CCND3: variants seen among roughly 807,000 people sequenced by gnomAD.
The protein encoded by CCND3 is G1/S-specific cyclin-D3.
In CCND3, 9 loss-of-function variants were observed where a neutral mutation model predicts 28.7. The observed-to-expected ratio is 0.31, with a 90% CI of 0.19 to 0.55. CCND3 has a LOEUF of 0.55. CCND3 is among the 20% of genes least tolerant of loss of function. The pLI is 0.93. For missense variants in CCND3, 315 were observed against 385.8 expected, an observed-to-expected ratio of 0.82 and a Z score of 1.54; for synonymous variants, 164 against 163.9, an observed-to-expected ratio of 1.00 and a Z score of 0.00.
chr6:41,981,255 G>A (rs1762337781), intron 1 of CCND3, among the ~76,000 whole-genome samples: 1 of 151,868 alleles, frequency 6.6e-6, no homozygotes, highest in African/African-American at 2.4e-5. Context: ...ACCCAGGCTG[G>A]AGTGCATCGG....
intron 1 of CCND3, among the ~76,000 whole-genome samples, chr6:42,029,647 G>A (rs1211523425): frequency 6.6e-6 from 1 of 152,000 alleles, no homozygotes; most frequent in Non-Finnish European, 1.5e-5. Context: ...AGACCAGCCT[G>A]ACCAACTTGG....
upstream of CCND3, among the ~76,000 whole-genome samples, chr6:42,049,364 G>A (rs927707550): frequency 6.6e-6 from 1 of 152,170 alleles, no homozygotes; most frequent in Non-Finnish European, 1.5e-5. Flanking sequence ...TACACGTCAG[G>A]CACTGTGACA....
At chr6:41,964,360 GTGTA>G (rs767533705) in intron 1 of CCND3, among the ~76,000 whole-genome samples, 8 of 147,500 alleles carry the variant, frequency 5.4e-5, no homozygotes, top group Non-Finnish European at 9.1e-5. Context: ...GAGTCTGTGT[GTGTA>G]TGTGTGAATG....
At chr6:41,956,826 A>C (rs1263072202) in intron 1 of CCND3, among the ~76,000 whole-genome samples, 1 of 151,830 alleles carries the variant, frequency 6.6e-6, no homozygotes, top group Non-Finnish European at 1.5e-5. Flanking sequence ...GGGGAGATCG[A>C]GACCATCCTG....
At chr6:41,979,657 GTA>G (rs59255187) in intron 1 of CCND3, among the ~76,000 whole-genome samples, 143,297 of 145,362 alleles carry the variant, frequency 0.99, 70,654 homozygotes, top group Middle Eastern at 1. Context: ...ATATATATAT[GTA>G]TATATATATA....
At chr6:42,021,511 G>A (rs55834072) in intron 1 of CCND3, among the ~76,000 whole-genome samples, 32,735 of 152,186 alleles carry the variant, frequency 0.22, 3,699 homozygotes, top group Middle Eastern at 0.31. Context: ...GAGACACAGA[G>A]CCTGTCCTCA....
In CCND3 at chr6:42,048,732, T is replaced by A; in HGVS notation, c.-277A>T. 2.0e-6 allele frequency: 1 copy of A among 503,514 alleles called. No individual in the cohort carries two copies. 31.2% of individuals were successfully genotyped at this position (503,514 alleles called of 1,614,324 possible). On this transcript the variant is annotated 5_prime_UTR_variant, in exon 1 of 5. Transcript: ENST00000372988. This position sits in a 1 kb window ranked among gnomAD's most constrained non-coding sequence, Gnocchi z 4.7. ...CGCCGATCCAGAGCTGGGCAGGAAG[T>A]GGGGAAGAGGGGGCGGAGGAGACAA...
chr6:41,960,023 T>C (rs942227590), intron 1 of CCND3, among the ~76,000 whole-genome samples: 3 of 151,862 alleles, frequency 2.0e-5, no homozygotes, highest in African/African-American at 4.8e-5. Flanking sequence ...ATATGGCATA[T>C]GCATACAGTG....
intron 1 of CCND3, among the ~76,000 whole-genome samples, chr6:42,021,553 G>C (rs1041787756): frequency 2.0e-5 from 3 of 152,134 alleles, no homozygotes; most frequent in Non-Finnish European, 4.4e-5. Context: ...GACAATAATA[G>C]GTGTTGTTAT....
At chr6:42,013,654 A>G (rs9349212) in intron 1 of CCND3, among the ~76,000 whole-genome samples, 57,980 of 152,080 alleles carry the variant, frequency 0.38, 11,229 homozygotes, top group African/African-American at 0.44. Flanking sequence ...ACTTCAGAAT[A>G]AACTTTGTTC....
intron 1 of CCND3, among the ~76,000 whole-genome samples, chr6:41,974,473 G>C (rs765273474): frequency 6.6e-6 from 1 of 152,140 alleles, no homozygotes; most frequent in Non-Finnish European, 1.5e-5. Flanking sequence ...AGTAGCTGGG[G>C]GTTGCTAGGG....
At chr6:42,026,457 A>G (rs1763879340) in intron 1 of CCND3, among the ~76,000 whole-genome samples, 1 of 152,116 alleles carries the variant, frequency 6.6e-6, no homozygotes, top group Non-Finnish European at 1.5e-5. Flanking sequence ...TGAGGGCATT[A>G]GCCAAGGGGG....
intron 1 of CCND3, among the ~76,000 whole-genome samples, chr6:42,025,320 C>A (rs906629070): frequency 6.6e-5 from 10 of 152,176 alleles, no homozygotes; most frequent in Admixed American, 2.6e-4. Flanking sequence ...CAAGGCCTCA[C>A]AGAGGAAGTG....
intron 1 of CCND3, among the ~76,000 whole-genome samples, chr6:42,040,868 C>CAAAAAAAAA (rs142222742): frequency 6.5e-5 from 8 of 122,512 alleles, no homozygotes; most frequent in Admixed American, 2.4e-4. Flanking sequence ...AACAAACAAA[C>CAAAAAAAAA]AAAAAAAAAA....
chr6:41,998,053 C>T (rs958413534), intron 1 of CCND3, among the ~76,000 whole-genome samples: 3 of 151,218 alleles, frequency 2.0e-5, no homozygotes, highest in Admixed American at 1.3e-4. Flanking sequence ...TTTTGGGAGG[C>T]CAAGGCAAGC....
chr6:41,941,086 G>A lies in CCND3; in HGVS notation c.198+366C>T. On this transcript the variant is annotated intron_variant, in intron 1 of 4. Transcript: ENST00000372991. This position sits in a 1 kb window ranked among gnomAD's most constrained non-coding sequence, Gnocchi z 6.1. ...GAAAGACACAGGAACCGGCTCCCGG[G>A]CGGGGGCGGCCGAGCCCAGGGTTTT... 2 of 1,554,420 alleles carry A rather than the reference G, an allele frequency of 1.3e-6. No individual in the cohort carries two copies. Among genetic ancestry groups the A allele is most frequent in the Non-Finnish European group, 1.7e-6 (2 of 1,150,496 alleles).
At chr6:42,045,671 C>T (rs1328656071) in intron 1 of CCND3, among the ~76,000 whole-genome samples, 1 of 152,252 alleles carries the variant, frequency 6.6e-6, no homozygotes, top group African/African-American at 2.4e-5. Flanking sequence ...CTAGCAGTGT[C>T]TGTTGCCACC....
chr6:42,008,198 T>C (rs1159608045), intron 1 of CCND3, among the ~76,000 whole-genome samples: 1 of 152,058 alleles, frequency 6.6e-6, no homozygotes, highest in Non-Finnish European at 1.5e-5. Context: ...CTGGCCAACA[T>C]GGCGAAACCC....
In CCND3 at chr6:42,048,272, C is replaced by A. The variant is rs1266078578; in HGVS notation, c.-46+229G>T. On this transcript the variant is annotated intron_variant, in intron 1 of 4. Transcript: ENST00000372988. This position sits in a 1 kb window ranked among gnomAD's most constrained non-coding sequence, Gnocchi z 4.7. ...TCCAGATCAGCTGGAGGGGGTTGTGCCGATGTGTGTACATACAGAGGGCTC... is the reference window on the plus strand; with the variant it reads ...TCCAGATCAGCTGGAGGGGGTTGTGACGATGTGTGTACATACAGAGGGCTC... 3.9e-6 allele frequency: 1 copy of A among 259,126 alleles called. No individual in the cohort carries two copies. The highest frequency in any genetic ancestry group is 2.3e-5 in the African/African-American group (1 of 42,560). The allele number at this position is 259,126 out of a possible 1,614,324, so 16.1% of individuals were successfully genotyped here.
Sources: allele counts gnomAD v4.1 joint callset (sites outside exome capture counted in the v4.1 genomes callset), GRCh38; gene constraint gnomAD v4.1.1; non-coding constraint Gnocchi (gnomAD v3.1); transcripts MANE v1.5; gene names NCBI Gene and HGNC (gene_info 2026-07-23, HGNC 2026-07-21).